The following CSMD1 variants were observed in gnomAD, a reference collection of about 807,000 sequenced individuals.
CSMD1 encodes CUB and sushi domain-containing protein 1.
A neutral mutation model predicts 417.5 loss-of-function variants in CSMD1; 213 were observed. That is an observed-to-expected ratio of 0.51 (90% CI 0.46 to 0.57). The LOEUF (loss-of-function observed/expected upper bound fraction) is 0.57. CSMD1 is among the 20% of genes least tolerant of loss of function. CSMD1 has a pLI of 0.00. For missense variants in CSMD1, 6,923 were observed against 4,529.7 expected (o/e 1.53, Z -15.17); for synonymous variants, 2,862 against 1,736.8 (o/e 1.65, Z -16.11).
At chr8:3,441,963 T>G (rs1380233806) in intron 12 of CSMD1, among the ~76,000 whole-genome samples, 1 of 152,062 alleles carries the variant, frequency 6.6e-6, no homozygotes, top group Non-Finnish European at 1.5e-5. Context: ...CCGAAGACTT[T>G]CCAGTGGGAC....
intron 1 of CSMD1, among the ~76,000 whole-genome samples, chr8:4,763,522 C>A (rs1812253908): frequency 6.6e-6 from 1 of 152,034 alleles, no homozygotes; most frequent in Admixed American, 6.5e-5. Flanking sequence ...ATGTATCAAC[C>A]ATTTTTCTAT....
chr8:4,364,488 C>A (rs947752762), intron 3 of CSMD1, among the ~76,000 whole-genome samples: 7 of 152,114 alleles, frequency 4.6e-5, no homozygotes, highest in African/African-American at 1.4e-4. Flanking sequence ...TCCTCTCTTG[C>A]TTTCTAGAAG....
At chr8:4,678,064 C>T (rs907816163) in intron 1 of CSMD1, among the ~76,000 whole-genome samples, 1 of 152,088 alleles carries the variant, frequency 6.6e-6, no homozygotes, top group African/African-American at 2.4e-5. Context: ...TGGACACACA[C>T]CCACATATGA....
chr8:4,988,835 A>T (rs1443465088), intron 1 of CSMD1, among the ~76,000 whole-genome samples: 1 of 152,236 alleles, frequency 6.6e-6, no homozygotes, highest in Non-Finnish European at 1.5e-5. Context: ...GAGGGAAAAA[A>T]CAAGGTGTGC....
rs73504686 is a variant in CSMD1, at chr8:4,322,504, G to A, written c.415+97449C>T. Among the ~76,000 whole-genome samples, 169 of 152,240 alleles carry A rather than the reference G, an allele frequency of 1.1e-3. 1 individual carries two copies. The highest frequency in any genetic ancestry group is 3.9e-3 in the African/African-American group (162 of 41,554). Reference sequence around the variant, plus strand: ...GAGTGAAAGCTGTATGCAGTTGTGGGTTCAGGGAAGGCTGTATAAAAACAT... The same window carrying A: ...GAGTGAAAGCTGTATGCAGTTGTGGATTCAGGGAAGGCTGTATAAAAACAT... On this transcript the variant is annotated intron_variant, in intron 3 of 69. Transcript: ENST00000635120.
chr8:4,809,868 C>A (rs895066229), intron 1 of CSMD1, among the ~76,000 whole-genome samples: 1 of 152,168 alleles, frequency 6.6e-6, no homozygotes, highest in African/African-American at 2.4e-5. Context: ...ATGGGGCAAG[C>A]GGTTGCCATA....
chr8:4,522,900 A>C (rs1165967360), intron 2 of CSMD1, among the ~76,000 whole-genome samples: 1 of 152,176 alleles, frequency 6.6e-6, no homozygotes, highest in Admixed American at 6.5e-5. Flanking sequence ...CATAATCCTA[A>C]GGATCCTACA....
chr8:4,409,398 G>C (rs1162386580), intron 3 of CSMD1, among the ~76,000 whole-genome samples: 4 of 152,058 alleles, frequency 2.6e-5, no homozygotes, highest in East Asian at 3.9e-4. Flanking sequence ...CCCTTTCTCA[G>C]TGATTTTCAC....
rs529550929 is a variant in CSMD1 at position 3,479,596 on chromosome 8, G to A, written c.1449-10772C>T. Among the ~76,000 whole-genome samples, 19 of 152,244 alleles carry A rather than the reference G, an allele frequency of 1.2e-4. 1 individual carries two copies. The South Asian group carries it at 3.7e-3, about 30-fold the overall frequency. On this transcript the variant is annotated intron_variant, in intron 11 of 69. Transcript: ENST00000635120. ...CGCCCAGCCTGCCATTTCTTTCAAT[G>A]GCATAAATGCCATTACTTTCAGTGG... is the stretch of plus-strand genomic sequence containing the variant.
chr8:4,202,239 A>G (rs1182638083), intron 3 of CSMD1, among the ~76,000 whole-genome samples: 1 of 152,170 alleles, frequency 6.6e-6, no homozygotes, highest in Non-Finnish European at 1.5e-5. Context: ...ATTATGCCTT[A>G]TCTTCACAAT....
chr8:3,931,751 A>C (rs1043275292), intron 5 of CSMD1, among the ~76,000 whole-genome samples: 10 of 148,906 alleles, frequency 6.7e-5, no homozygotes, highest in African/African-American at 2.5e-4. Context: ...ACACCAGAGG[A>C]AACAAGGTGA....
At chr8:4,416,119 A>G (rs1796923272) in intron 3 of CSMD1, among the ~76,000 whole-genome samples, 1 of 152,200 alleles carries the variant, frequency 6.6e-6, no homozygotes. Flanking sequence ...TATCTGTACA[A>G]TTGCCTTACA....
intron 2 of CSMD1, among the ~76,000 whole-genome samples, chr8:4,633,966 G>A (rs952312953): frequency 1.3e-5 from 2 of 149,146 alleles, no homozygotes; most frequent in African/African-American, 5.0e-5. Context: ...AAGTTCAGCT[G>A]TTTAAAACAG....
At chr8:4,351,351 G>T (rs1023064005) in intron 3 of CSMD1, among the ~76,000 whole-genome samples, 1 of 152,174 alleles carries the variant, frequency 6.6e-6, no homozygotes, top group African/African-American at 2.4e-5. Flanking sequence ...GAAAATTTGA[G>T]GCATCTCCTT....
intron 1 of CSMD1, among the ~76,000 whole-genome samples, chr8:4,917,770 T>C (rs370463473): frequency 6.6e-6 from 1 of 152,180 alleles, no homozygotes; most frequent in Admixed American, 6.5e-5. Context: ...CAATACCTAA[T>C]AATAAAAGCC....
intron 26 of CSMD1, among the ~76,000 whole-genome samples, chr8:3,269,590 C>G (rs1175987009): frequency 1.3e-5 from 2 of 152,180 alleles, no homozygotes; most frequent in African/African-American, 2.4e-5. Context: ...ATCAATCTCG[C>G]AAAACCTGAG....
chr8:4,588,932 C>T (rs754781644), intron 2 of CSMD1, among the ~76,000 whole-genome samples: 1 of 152,050 alleles, frequency 6.6e-6, no homozygotes, highest in Non-Finnish European at 1.5e-5. Context: ...TATACATACA[C>T]ATATACATTG....
At chr8:4,104,678 C>T (rs1037151807) in intron 3 of CSMD1, among the ~76,000 whole-genome samples, 11 of 152,130 alleles carry the variant, frequency 7.2e-5, no homozygotes, top group African/African-American at 2.7e-4. Flanking sequence ...AGTAAAACAG[C>T]ACAGTTCCAG....
intron 2 of CSMD1, among the ~76,000 whole-genome samples, chr8:4,422,142 A>G (rs981604306): frequency 2.6e-5 from 4 of 152,160 alleles, no homozygotes; most frequent in African/African-American, 9.6e-5. Flanking sequence ...AACTTTCCCC[A>G]AATTTCCAGT....
Sources: gnomAD v4.1 joint callset for allele counts (sites outside exome capture counted in the v4.1 genomes callset) on GRCh38, gnomAD v4.1.1 for gene constraint, MANE v1.5 for transcripts, NCBI Gene and HGNC (gene_info 2026-07-23, HGNC 2026-07-21) for gene names.